Variants in NPAS3 observed in about 807,000 individuals in gnomAD.
NPAS3 encodes neuronal PAS domain-containing protein 3.
Under a neutral mutation model 73.1 loss-of-function variants are expected in NPAS3, and 14 were observed. That is an observed-to-expected ratio of 0.19 (90% CI 0.13 to 0.30). The LOEUF is 0.30. Ranked by LOEUF, NPAS3 falls within the 10% of genes least tolerant of loss-of-function variation. The pLI is 1.00. For missense variants in NPAS3, 1,096 were observed against 1,250.0 expected, an observed-to-expected ratio of 0.88 and a Z score of 1.86; for synonymous variants, 620 against 541.5, an observed-to-expected ratio of 1.14 and a Z score of -2.01.
intron 3 of NPAS3, among the ~76,000 whole-genome samples, chr14:33,310,105 A>T (rs1352953814): frequency 6.6e-6 from 1 of 152,166 alleles, no homozygotes. Context: ...TTATTTTCTC[A>T]AGCTAACATG....
At chr14:32,976,809 C>A (rs1024273359) in intron 1 of NPAS3, among the ~76,000 whole-genome samples, 3 of 152,156 alleles carry the variant, frequency 2.0e-5, no homozygotes, top group African/African-American at 4.8e-5. Context: ...TTTATTTGAA[C>A]AAACTCCTAC....
intron 5 of NPAS3, among the ~76,000 whole-genome samples, chr14:33,576,271 T>C (rs937079619): frequency 6.6e-6 from 1 of 152,114 alleles, no homozygotes; most frequent in Admixed American, 6.5e-5. Context: ...TGAGTGTAAA[T>C]TTTTCATCCC....
At chr14:33,786,293 G>A (rs969258911) in intron 9 of NPAS3, among the ~76,000 whole-genome samples, 2 of 152,158 alleles carry the variant, frequency 1.3e-5, no homozygotes, top group African/African-American at 4.8e-5. Flanking sequence ...CATAACAGAT[G>A]AACAAATGGA....
Position 33,433,904 on chromosome 14 carries a change from T to C in NPAS3, c.468+66636T>C, listed in dbSNP as rs140935135. ...TGTTTCAGAACAGTTTAATAAAACATACTAGGCCGGGCATGGTGGCTCACG... is the reference window on the plus strand; with the variant it reads ...TGTTTCAGAACAGTTTAATAAAACACACTAGGCCGGGCATGGTGGCTCACG... On this transcript the variant is annotated intron_variant, in intron 4 of 11. Coordinates refer to ENST00000356141, the Ensembl canonical transcript of NPAS3. Among the ~76,000 whole-genome samples, 10 of 152,298 alleles carry C rather than the reference T, an allele frequency of 6.6e-5. No homozygotes were observed. The East Asian group carries it at 1.9e-3, about 29-fold the overall frequency.
intron 2 of NPAS3, among the ~76,000 whole-genome samples, chr14:33,082,740 C>T (rs886275742): frequency 1.3e-5 from 2 of 152,208 alleles, no homozygotes; most frequent in Non-Finnish European, 1.5e-5. Flanking sequence ...GGCCTTAAAG[C>T]CCAACTTATT....
chr14:33,657,689 C>G (rs527451645), intron 5 of NPAS3, among the ~76,000 whole-genome samples: 2 of 152,264 alleles, frequency 1.3e-5, no homozygotes, highest in South Asian at 4.2e-4. Context: ...TTGCTGGTGA[C>G]TCAACACTAT....
chr14:33,366,513 A>C (rs1190615733), intron 3 of NPAS3, among the ~76,000 whole-genome samples: 1 of 152,164 alleles, frequency 6.6e-6, no homozygotes, highest in Non-Finnish European at 1.5e-5. Flanking sequence ...GGAACTCCAG[A>C]TAAGAAACAG....
In NPAS3 at chr14:33,340,925, G is replaced by A. The variant is rs558988313; in HGVS notation, c.386-26261G>A. On this transcript the variant is annotated intron_variant, in intron 3 of 11. Coordinates refer to ENST00000356141, the Ensembl canonical transcript of NPAS3. ...AGTGAAAGAGCCATACCATACCACT[G>A]TCACCTTATACTAAAACAAACAAAC... Among the ~76,000 whole-genome samples, 7 of 152,256 alleles carry A rather than the reference G, an allele frequency of 4.6e-5. 1 individual carries two copies. Among genetic ancestry groups the A allele is most frequent in the African/African-American group, 1.7e-4 (7 of 41,540 alleles).
At chr14:33,559,552 G>T (rs1352476597) in intron 4 of NPAS3, among the ~76,000 whole-genome samples, 1 of 152,104 alleles carries the variant, frequency 6.6e-6, no homozygotes, top group African/African-American at 2.4e-5. Context: ...CATAAAATCA[G>T]CATGACCTTA....
At chr14:33,662,096 G>C (rs539524367) in intron 5 of NPAS3, among the ~76,000 whole-genome samples, 130 of 152,308 alleles carry the variant, frequency 8.5e-4, no homozygotes, top group Non-Finnish European at 1.7e-3. Flanking sequence ...TCTTATGGAA[G>C]CAAGGTTTAT....
intron 4 of NPAS3, among the ~76,000 whole-genome samples, chr14:33,484,293 G>T (rs1439170697): frequency 1.3e-5 from 2 of 152,210 alleles, no homozygotes; most frequent in Middle Eastern, 3.4e-3. Context: ...CTATGAGGGT[G>T]GGCCCTTGTC....
chr14:33,249,271 A>G (rs560060631), intron 3 of NPAS3, among the ~76,000 whole-genome samples: 1 of 152,220 alleles, frequency 6.6e-6, no homozygotes, highest in South Asian at 2.1e-4. Context: ...AATTATTTCA[A>G]AGAGTCAAAC....
intron 2 of NPAS3, among the ~76,000 whole-genome samples, chr14:33,133,415 A>G (rs1389233517): frequency 6.6e-6 from 1 of 152,208 alleles, no homozygotes; most frequent in African/African-American, 2.4e-5. Flanking sequence ...TACATCACTG[A>G]GTCGTTAGGA....
chr14:33,643,399 C>T (rs375529653), intron 5 of NPAS3, among the ~76,000 whole-genome samples: 1 of 62,858 alleles, frequency 1.6e-5, no homozygotes, highest in East Asian at 4.4e-4. Flanking sequence ...AAAAAAAAAA[C>T]GAGAGAGATG....
intron 5 of NPAS3, among the ~76,000 whole-genome samples, chr14:33,591,052 T>C (rs2057045833): frequency 6.6e-6 from 1 of 152,100 alleles, no homozygotes; most frequent in African/African-American, 2.4e-5. Flanking sequence ...ACCACACACG[T>C]TGTGGAGGGA....
chr14:33,553,973 C>T (rs144756789), intron 4 of NPAS3, among the ~76,000 whole-genome samples: 7 of 152,174 alleles, frequency 4.6e-5, no homozygotes, highest in East Asian at 1.9e-4. Flanking sequence ...TTTTAATGAG[C>T]GCTATCACAG....
At chr14:33,494,797 C>A (rs1232231674) in intron 4 of NPAS3, among the ~76,000 whole-genome samples, 1 of 152,064 alleles carries the variant, frequency 6.6e-6, no homozygotes, top group East Asian at 1.9e-4. Flanking sequence ...TATGTCACTG[C>A]CCTTCCTCAT....
At chr14:33,237,696 G>A (rs61972689) in intron 3 of NPAS3, among the ~76,000 whole-genome samples, 18,490 of 151,830 alleles carry the variant, frequency 0.12, 1,527 homozygotes, top group Non-Finnish European at 0.19. Flanking sequence ...GAAAATACAT[G>A]CATACGTATA....
chr14:33,317,830 A>C (rs771469109), intron 3 of NPAS3, among the ~76,000 whole-genome samples: 1 of 152,090 alleles, frequency 6.6e-6, no homozygotes, highest in East Asian at 1.9e-4. Flanking sequence ...TAATACACCA[A>C]GGCATCAGCT....
Sources: gnomAD v4.1 joint callset for allele counts (sites outside exome capture counted in the v4.1 genomes callset) on GRCh38, gnomAD v4.1.1 for gene constraint, MANE v1.5 for transcripts, NCBI Gene and HGNC (gene_info 2026-07-23, HGNC 2026-07-21) for gene names.